The following DAB1 variants were observed in gnomAD, a reference collection of about 807,000 sequenced individuals.
DAB1 encodes disabled homolog 1.
In DAB1, 15 loss-of-function variants were observed where a neutral mutation model predicts 64.6. That is an observed-to-expected ratio of 0.23 (90% CI 0.16 to 0.36). DAB1 has a LOEUF of 0.36. DAB1 is among the 10% of genes least tolerant of loss of function. The probability of loss-of-function intolerance (pLI) is 1.00; values close to 1 mark genes in which losing one functional copy is unlikely to be tolerated. For synonymous variants in DAB1, 235 were observed against 251.9 expected, an observed-to-expected ratio of 0.93 and a Z score of 0.64; for missense variants, 596 against 706.7, an observed-to-expected ratio of 0.84 and a Z score of 1.78.
chr1:57,265,580 C>A (rs1670524889), intron 2 of DAB1, among the ~76,000 whole-genome samples: 1 of 152,284 alleles, frequency 6.6e-6, no homozygotes, highest in Middle Eastern at 3.4e-3. Flanking sequence ...ACACTAAAAG[C>A]AGCTCAAACG....
chr1:58,428,152 G>A (rs372547351), intron 3 of DAB1, among the ~76,000 whole-genome samples: 8 of 152,218 alleles, frequency 5.3e-5, no homozygotes, highest in African/African-American at 1.9e-4. Context: ...AATAGAGTTA[G>A]ATGATCACCA....
At chr1:57,394,275 A>G (rs775628828) in intron 1 of DAB1, among the ~76,000 whole-genome samples, 2 of 152,206 alleles carry the variant, frequency 1.3e-5, no homozygotes, top group Non-Finnish European at 2.9e-5. Context: ...TTGTGTTGCA[A>G]AGACAAACTG....
chr1:57,850,167 A>G (rs1019874712), intron 1 of DAB1, among the ~76,000 whole-genome samples: 2 of 152,234 alleles, frequency 1.3e-5, no homozygotes, highest in Admixed American at 6.5e-5. Flanking sequence ...AGGGTCTTAC[A>G]GCAGAAACCT....
At chr1:58,372,853 T>G (rs752528951) in intron 3 of DAB1, among the ~76,000 whole-genome samples, 1 of 152,204 alleles carries the variant, frequency 6.6e-6, no homozygotes, top group Non-Finnish European at 1.5e-5. Context: ...TCCATCATGA[T>G]TGCAAGTTTC....
intron 4 of DAB1, among the ~76,000 whole-genome samples, chr1:58,296,753 G>A (rs1044860359): frequency 1.3e-5 from 2 of 152,074 alleles, no homozygotes; most frequent in African/African-American, 4.8e-5. Flanking sequence ...AGGCAGAATT[G>A]TTGTATGATT....
chr1:57,630,172 G>A (rs976534410), intron 7 of DAB1, among the ~76,000 whole-genome samples: 12 of 152,108 alleles, frequency 7.9e-5, no homozygotes, highest in Non-Finnish European at 1.5e-4. Flanking sequence ...TTCATTTGCA[G>A]GGCAACAAAC....
At position 57,875,473 on chromosome 1, in the gene DAB1, G is replaced by GTA. The variant is rs1644028965; in HGVS notation, n.87+8524_87+8525dup. ...TCAACAAGAACTAAATGCTTCCCAA[G>GTA]TACCTGATACCTTCTGGGAGTCCTT... On this transcript the variant is annotated intron_variant and non_coding_transcript_variant, in intron 1 of 1. Transcript: ENST00000477280. Among the ~76,000 whole-genome samples, 5 of 152,046 alleles carry GTA rather than the reference G, an allele frequency of 3.3e-5. No individual in the cohort carries two copies. In the South Asian group the frequency reaches 1.0e-3, roughly 32 times the overall value.
At chr1:57,129,924 C>T (rs1657501061) in intron 4 of DAB1, among the ~76,000 whole-genome samples, 1 of 151,978 alleles carries the variant, frequency 6.6e-6, no homozygotes, top group Non-Finnish European at 1.5e-5. Flanking sequence ...TTCATTCTAT[C>T]CATCCCTGAA....
chr1:58,344,994 T>C (rs1367672880), intron 3 of DAB1, among the ~76,000 whole-genome samples: 2 of 152,170 alleles, frequency 1.3e-5, no homozygotes, highest in African/African-American at 4.8e-5. Context: ...CTAGCACCTA[T>C]AGATGCATTT....
At chr1:58,430,967 G>A (rs1249632316) in intron 3 of DAB1, among the ~76,000 whole-genome samples, 3 of 152,138 alleles carry the variant, frequency 2.0e-5, no homozygotes, top group Non-Finnish European at 2.9e-5. Context: ...TAGCATTCCC[G>A]GCTTTAACAT....
intron 6 of DAB1, among the ~76,000 whole-genome samples, chr1:57,654,098 T>C (rs1180621085): frequency 6.6e-6 from 1 of 152,242 alleles, no homozygotes; most frequent in Non-Finnish European, 1.5e-5. Context: ...AGATAGAACA[T>C]TCTTTTGTAG....
intron 5 of DAB1, among the ~76,000 whole-genome samples, chr1:57,927,658 G>A (rs576477486): frequency 5.9e-5 from 9 of 152,244 alleles, no homozygotes; most frequent in African/African-American, 1.9e-4. Flanking sequence ...GATTTATAGC[G>A]ACTTGTTATG....
At chr1:57,246,488 A>G (rs1668886386) in intron 2 of DAB1, among the ~76,000 whole-genome samples, 1 of 152,238 alleles carries the variant, frequency 6.6e-6, no homozygotes, top group Admixed American at 6.5e-5. Context: ...AAATGCCTGG[A>G]TGTCCAGGTA....
rs545049615 is a variant in DAB1 at position 57,850,391 on chromosome 1, C to T, written n.88-23936G>A. 6.0e-5 allele frequency among the ~76,000 whole-genome samples: 9 copies of T among 151,252 alleles called. No individual in the cohort carries two copies. The South Asian group carries it at 1.3e-3, about 21-fold the overall frequency. Reference sequence around the variant, plus strand: ...ATGCAAAGCAATTTGCCCAAGGACACGCTGTAAAAAGGCGCAGAGGTGAGA... The same window carrying T: ...ATGCAAAGCAATTTGCCCAAGGACATGCTGTAAAAAGGCGCAGAGGTGAGA... On this transcript the variant is annotated intron_variant and non_coding_transcript_variant, in intron 1 of 1. Coordinates refer to the DAB1 transcript ENST00000477280.
intron 3 of DAB1, among the ~76,000 whole-genome samples, chr1:58,440,812 C>A (rs1295280765): frequency 3.3e-5 from 5 of 152,096 alleles, no homozygotes; most frequent in Non-Finnish European, 5.9e-5. Context: ...GACTAACCAA[C>A]CAGAGACAGA....
intron 7 of DAB1, among the ~76,000 whole-genome samples, chr1:57,506,220 CT>C (rs1391350171): frequency 2.0e-5 from 3 of 151,500 alleles, no homozygotes; most frequent in South Asian, 2.1e-4. Context: ...GAAAGGGGAA[CT>C]TTTTTTTTAA....
chr1:57,380,685 C>G (rs147307538), intron 1 of DAB1, among the ~76,000 whole-genome samples: 2 of 152,132 alleles, frequency 1.3e-5, no homozygotes, highest in Non-Finnish European at 2.9e-5. Context: ...AGTGGGGAGA[C>G]ATAAAGCACA....
At chr1:57,890,428 T>A (rs1240449705) in intron 5 of DAB1, among the ~76,000 whole-genome samples, 1 of 151,812 alleles carries the variant, frequency 6.6e-6, no homozygotes, top group African/African-American at 2.4e-5. Flanking sequence ...CTTCTCTTTT[T>A]TTGCTTTGCT....
At chr1:57,217,029 T>A (rs1666477740) in intron 2 of DAB1, among the ~76,000 whole-genome samples, 1 of 152,218 alleles carries the variant, frequency 6.6e-6, no homozygotes, top group Non-Finnish European at 1.5e-5. Flanking sequence ...GAGTTTTCCA[T>A]CCAATCACCT....
Sources: gnomAD v4.1 joint callset for allele counts (sites outside exome capture counted in the v4.1 genomes callset) on GRCh38, gnomAD v4.1.1 for gene constraint, MANE v1.5 for transcripts, NCBI Gene and HGNC (gene_info 2026-07-23, HGNC 2026-07-21) for gene names.